The following NFAM1 variants were observed in gnomAD, a reference collection of about 807,000 sequenced individuals.
NFAM1 encodes the protein NFAT activating protein with ITAM motif 1.
In NFAM1, 17 loss-of-function variants were observed where a neutral mutation model predicts 29.0. The observed-to-expected ratio is 0.59, with a 90% CI of 0.40 to 0.88. NFAM1 has a LOEUF of 0.88. Ranked by LOEUF, NFAM1 falls within the 40% of genes least tolerant of loss-of-function variation. The pLI is 0.00. For synonymous variants in NFAM1, 175 were observed against 147.2 expected (o/e 1.19, Z -1.36); for missense variants, 324 against 344.6 (o/e 0.94, Z 0.47).
intron 1 of NFAM1, among the ~76,000 whole-genome samples, chr22:42,416,842 G>C (rs1569233751): frequency 6.6e-6 from 1 of 152,316 alleles, no homozygotes; most frequent in East Asian, 1.9e-4. Context: ...ACGTGGTCCG[G>C]GGCAGTGAGC....
rs763457817 is a variant in NFAM1, at chr22:42,387,063, C to T, written c.679G>A (p.Glu227Lys). Residue 227 changes from glutamate (E) to lysine (K), a missense_variant, in exon 5 of 6, where the codon GAG (glutamate) becomes AAG (lysine). Coordinates refer to ENST00000329021, the MANE Select transcript of NFAM1 (RefSeq NM_145912.8). ...TCGATGCAGGCATAGACCTCGGTCT[C>T]GCGGCGCTGCAGAGCCTACAGGAAA... is the stretch of plus-strand genomic sequence containing the variant. Reference protein sequence around the residue: ...ESVYTALQRRETEVYACIENE... With the variant: ...ESVYTALQRRKTEVYACIENE... The T allele has an allele frequency of 8.4e-5, 133 of 1,584,892 alleles. No individual in the cohort carries two copies. The highest frequency in any genetic ancestry group is 1.1e-4 in the Non-Finnish European group (126 of 1,165,738).
At chr22:42,415,892 G>A (rs1420195461) in intron 1 of NFAM1, among the ~76,000 whole-genome samples, 1 of 152,328 alleles carries the variant, frequency 6.6e-6, no homozygotes, top group African/African-American at 2.4e-5. Flanking sequence ...CCCAGACCAG[G>A]AGGGGCTCCC....
Position 42,384,906 on chromosome 22 carries a change from G to C in NFAM1, c.*255C>G, listed in dbSNP as rs1477053012. On this transcript the variant is annotated 3_prime_UTR_variant, in exon 6 of 6. Transcript: ENST00000329021. ...AAGACTGAGGGGCGCTTTGCTGGTTGGGCCAAGGGAGGAAGGGCCTGCCTG... is the reference window on the plus strand; with the variant it reads ...AAGACTGAGGGGCGCTTTGCTGGTTCGGCCAAGGGAGGAAGGGCCTGCCTG... 3.4e-6 allele frequency: 2 copies of C among 582,594 alleles called. No homozygotes were observed. Among genetic ancestry groups the C allele is most frequent in the East Asian group, 2.9e-5 (1 of 34,520 alleles). The allele number at this position is 582,594 out of a possible 1,614,324, so 36.1% of individuals were successfully genotyped here. A position where few individuals can be genotyped will look rare whatever the true frequency, so the allele number is the denominator to read the frequency against.
intron 1 of NFAM1, among the ~76,000 whole-genome samples, chr22:42,424,115 T>TA (rs945517998): frequency 3.1e-4 from 46 of 147,228 alleles, no homozygotes; most frequent in South Asian, 7.1e-4. Flanking sequence ...CCCATCTCTT[T>TA]AAAAAAAAAC....
At chr22:42,433,833 T>G (rs1930876894), upstream of NFAM1, among the ~76,000 whole-genome samples, 1 of 152,222 alleles carries the variant, frequency 6.6e-6, no homozygotes, top group South Asian at 2.1e-4. Flanking sequence ...CTTCACGCTA[T>G]TCCTGGCTCC....
intron 1 of NFAM1, among the ~76,000 whole-genome samples, chr22:42,424,284 A>G (rs2092178): frequency 0.014 from 2,155 of 152,168 alleles, 62 homozygotes; most frequent in African/African-American, 0.049. Context: ...GCATGGTGGC[A>G]GGCGCCTGTA....
In NFAM1 at chr22:42,411,416, G is replaced by A. The variant is rs898590537; in HGVS notation, c.442C>T (p.Leu148=). ...STVRGSGTFI[L]VRDAGYREPP... is the part of the protein sequence containing the mutation. ...ACAGAGGAAGCCTTACCTCTGACCA[G>A]GATGAAGGTGCCGCTGCCTCTCACC... The change falls in exon 2 of 6, where the codon CTG becomes TTG. Residue 148 remains leucine (L), a synonymous_variant. Coordinates refer to ENST00000329021, the MANE Select transcript of NFAM1 (RefSeq NM_145912.8). The A allele has an allele frequency of 2.5e-6, 4 of 1,612,908 alleles. No homozygotes were observed. The highest frequency in any genetic ancestry group is 3.4e-6 in the Non-Finnish European group (4 of 1,179,178).
intron 1 of NFAM1, among the ~76,000 whole-genome samples, chr22:42,428,379 C>T (rs984988615): frequency 1.3e-5 from 2 of 152,186 alleles, no homozygotes; most frequent in African/African-American, 2.4e-5. Flanking sequence ...AGGTCCGGAG[C>T]GGCGGGAAGG....
At chr22:42,390,290 C>G (rs1451823150) in intron 4 of NFAM1, among the ~76,000 whole-genome samples, 2 of 152,138 alleles carry the variant, frequency 1.3e-5, no homozygotes, top group African/African-American at 4.8e-5. Flanking sequence ...TAAGAACAGG[C>G]TTCTGCCCAT....
At chr22:42,427,733 C>T (rs967793045) in intron 1 of NFAM1, among the ~76,000 whole-genome samples, 1 of 151,024 alleles carries the variant, frequency 6.6e-6, no homozygotes, top group African/African-American at 2.5e-5. Flanking sequence ...AGAAGCGGGT[C>T]ACCGGAGAAT....
chr22:42,396,925 G>GGCGTGCACCTGGGGA (rs71184887), intron 4 of NFAM1, among the ~76,000 whole-genome samples: 25,020 of 149,400 alleles, frequency 0.17, 2,214 homozygotes, highest in African/African-American at 0.22. Context: ...GCAGCCAGGG[G>GGCGTGCACCTGGGGA]GCGTGCACCT....
In NFAM1 at chr22:42,432,268, C is replaced by T; in HGVS notation, c.90G>A (p.Val30=). The T allele has an allele frequency of 6.4e-7, 1 of 1,572,758 alleles. No individual in the cohort carries two copies. Among genetic ancestry groups the T allele is most frequent in the Non-Finnish European group, 8.6e-7 (1 of 1,158,632 alleles). ...GTCGCAGGGTCCCGGGCAGCAGCAG[C>T]ACGCCAAGGAGGAGCCAGGGGGCTG... is the stretch of plus-strand genomic sequence containing the variant. ...LPAAPWLLLG[V]LLLPGTLRLA... is the part of the protein sequence containing the mutation. Residue 30 remains valine, a synonymous_variant, in exon 1 of 6, where the codon GTG becomes GTA. Transcript: ENST00000329021.
At chr22:42,392,900 A>C (rs1929392005) in intron 4 of NFAM1, among the ~76,000 whole-genome samples, 1 of 151,942 alleles carries the variant, frequency 6.6e-6, no homozygotes, top group Non-Finnish European at 1.5e-5. Flanking sequence ...CCCAGGTTCA[A>C]GTGATTCTCC....
At chr22:42,408,090 T>C (rs1929961043) in intron 3 of NFAM1, among the ~76,000 whole-genome samples, 1 of 151,922 alleles carries the variant, frequency 6.6e-6, no homozygotes, top group Non-Finnish European at 1.5e-5. Flanking sequence ...GATGGGATTT[T>C]GCCATGTTGG....
At chr22:42,397,048 G>A (rs1214970248) in intron 4 of NFAM1, among the ~76,000 whole-genome samples, 1 of 152,250 alleles carries the variant, frequency 6.6e-6, no homozygotes, top group African/African-American at 2.4e-5. Flanking sequence ...GATCTCACGA[G>A]ATGGGGACCC....
intron 3 of NFAM1, among the ~76,000 whole-genome samples, chr22:42,405,738 G>A (rs539650631): frequency 6.6e-6 from 1 of 152,306 alleles, no homozygotes; most frequent in South Asian, 2.1e-4. Flanking sequence ...TCAAGGCGGA[G>A]CACAGAGCCC....
At chr22:42,434,570 C>T (rs62239664), upstream of NFAM1, among the ~76,000 whole-genome samples, 22,493 of 152,250 alleles carry the variant, frequency 0.15, 2,173 homozygotes, top group Admixed American at 0.29. Context: ...GTCGGGGCCT[C>T]GTGTCTGGCC....
chr22:42,427,400 G>A (rs572427411), intron 1 of NFAM1, among the ~76,000 whole-genome samples: 16 of 152,240 alleles, frequency 1.1e-4, no homozygotes, highest in African/African-American at 4.8e-5. Flanking sequence ...TCCCCCAGGC[G>A]CCCCTCCTGT....
Position 42,391,972 on chromosome 22 carries a change from G to A in NFAM1, c.664-4894C>T, listed in dbSNP as rs1476897932. On this transcript the variant is annotated intron_variant, in intron 4 of 5. Transcript: ENST00000329021. ...AAAAAAAAAAAAAAAAAAAAAAATC[G>A]GAGTTTGGTTTGAGAGAGATGTTGT... 5.5e-5 allele frequency among the ~76,000 whole-genome samples: 8 copies of A among 145,998 alleles called. No individual in the cohort carries two copies. In the South Asian group the frequency reaches 1.3e-3, roughly 24 times the overall value.
Sources: gnomAD v4.1 joint callset for allele counts (sites outside exome capture counted in the v4.1 genomes callset) on GRCh38, gnomAD v4.1.1 for gene constraint, MANE v1.5 for transcripts, NCBI Gene and HGNC (gene_info 2026-07-23, HGNC 2026-07-21) for gene names.